The following SPATA17 variants were observed in gnomAD, a reference collection of about 807,000 sequenced individuals.
The protein encoded by SPATA17 is spermatogenesis associated 17.
Under a neutral mutation model 62.2 loss-of-function variants are expected in SPATA17, and 53 were observed. The ratio of observed to expected loss-of-function variants is 0.85; its 90% CI spans 0.68 to 1.07. The LOEUF (loss-of-function observed/expected upper bound fraction) is 1.07. Ranked by LOEUF, SPATA17 falls within the 50% of genes least tolerant of loss-of-function variation. The pLI is 0.00. For missense variants in SPATA17, 466 were observed against 425.5 expected (o/e 1.10, Z -0.84); for synonymous variants, 146 against 146.8 (o/e 0.99, Z 0.04).
At chr1:217,815,224 A>G (rs1674683454) in intron 9 of SPATA17, among the ~76,000 whole-genome samples, 1 of 152,312 alleles carries the variant, frequency 6.6e-6, no homozygotes, top group East Asian at 1.9e-4. Flanking sequence ...GACTGGAAAT[A>G]TGAATAGGAA....
chr1:217,848,340 C>T (rs1675573182), intron 9 of SPATA17, among the ~76,000 whole-genome samples: 1 of 152,128 alleles, frequency 6.6e-6, no homozygotes, highest in South Asian at 2.1e-4. Flanking sequence ...TAGCCATTGA[C>T]CTTCAACTAT....
intron 5 of SPATA17, among the ~76,000 whole-genome samples, chr1:217,732,586 G>A (rs1336016628): frequency 2.0e-5 from 3 of 152,170 alleles, no homozygotes; most frequent in Admixed American, 2.0e-4. Context: ...GAATCACTGT[G>A]AAGATGGGCA....
chr1:217,829,420 G>A (rs1001876012), intron 9 of SPATA17, among the ~76,000 whole-genome samples: 1 of 151,616 alleles, frequency 6.6e-6, no homozygotes, highest in African/African-American at 2.4e-5. Flanking sequence ...CTGAGGTCAG[G>A]AGTTCAAGAC....
intron 5 of SPATA17, among the ~76,000 whole-genome samples, chr1:217,715,735 A>C (rs1671987774): frequency 6.6e-6 from 1 of 150,594 alleles, no homozygotes; most frequent in Admixed American, 6.6e-5. Context: ...TAGTTGTACT[A>C]TGAGAAATTC....
intron 9 of SPATA17, among the ~76,000 whole-genome samples, chr1:217,807,745 T>A (rs1185715411): frequency 1.3e-5 from 2 of 152,148 alleles, no homozygotes; most frequent in Non-Finnish European, 2.9e-5. Context: ...TTTATCTGAT[T>A]TCAAAATATT....
chr1:217,722,214 C>T (rs1161849894), intron 5 of SPATA17, among the ~76,000 whole-genome samples: 12 of 152,082 alleles, frequency 7.9e-5, no homozygotes, highest in Non-Finnish European at 1.0e-4. Context: ...ATGCTTTCTA[C>T]CAGAATTTTC....
At chr1:217,691,099 C>A (rs1671343823) in intron 5 of SPATA17, among the ~76,000 whole-genome samples, 2 of 145,252 alleles carry the variant, frequency 1.4e-5, no homozygotes, top group South Asian at 4.4e-4. Flanking sequence ...AGTTTACAGT[C>A]CCACCAACAG....
At chr1:217,728,770 A>G (rs1400468561) in intron 5 of SPATA17, among the ~76,000 whole-genome samples, 1 of 152,128 alleles carries the variant, frequency 6.6e-6, no homozygotes, top group Admixed American at 6.6e-5. Flanking sequence ...ATTTATTTTT[A>G]TTATTCAAAC....
At chr1:217,852,857 C>T (rs1675696495) in intron 9 of SPATA17, among the ~76,000 whole-genome samples, 1 of 152,080 alleles carries the variant, frequency 6.6e-6, no homozygotes, top group Admixed American at 6.6e-5. Flanking sequence ...CTCAGAGTAG[C>T]CTTTCCTGAC....
At chr1:217,791,281 C>A (rs564813529) in intron 8 of SPATA17, among the ~76,000 whole-genome samples, 50 of 152,304 alleles carry the variant, frequency 3.3e-4, no homozygotes, top group African/African-American at 1.2e-3. Flanking sequence ...TCTTTTGATC[C>A]AGTATTCCTC....
At chr1:217,685,110 G>A (rs996594121) in intron 5 of SPATA17, among the ~76,000 whole-genome samples, 16 of 151,936 alleles carry the variant, frequency 1.1e-4, no homozygotes, top group African/African-American at 3.6e-4. Flanking sequence ...GAGTTTGCAA[G>A]GAGAAGAAAT....
At chr1:217,684,110 A>T (rs1269741949) in intron 5 of SPATA17, among the ~76,000 whole-genome samples, 1 of 152,172 alleles carries the variant, frequency 6.6e-6, no homozygotes. Context: ...GTCAGTTTTG[A>T]TTTGTTTAAA....
chr1:217,671,183 A>G (rs1365929127), intron 4 of SPATA17, among the ~76,000 whole-genome samples: 1 of 152,022 alleles, frequency 6.6e-6, no homozygotes, highest in Non-Finnish European at 1.5e-5. Context: ...GCTTGTTCCT[A>G]CTGACTAATT....
chr1:217,807,938 A>C (rs1197427596), intron 9 of SPATA17, among the ~76,000 whole-genome samples: 1 of 152,196 alleles, frequency 6.6e-6, no homozygotes, highest in Non-Finnish European at 1.5e-5. Context: ...GATTAACAAG[A>C]GAAAAACCCA....
At chr1:217,765,849 T>C (rs552958281) in intron 6 of SPATA17, among the ~76,000 whole-genome samples, 7 of 152,222 alleles carry the variant, frequency 4.6e-5, no homozygotes, top group African/African-American at 1.7e-4. Context: ...TTGCTAGGCA[T>C]ATACACTTTA....
At chr1:217,811,557 G>T (rs531181462) in intron 9 of SPATA17, among the ~76,000 whole-genome samples, 19 of 151,968 alleles carry the variant, frequency 1.3e-4, no homozygotes, top group Admixed American at 2.6e-4. Context: ...GCTGGGCATG[G>T]TGGTGCACAC....
At chr1:217,726,787 C>A (rs1460560067) in intron 5 of SPATA17, among the ~76,000 whole-genome samples, 1 of 151,800 alleles carries the variant, frequency 6.6e-6, no homozygotes, top group Non-Finnish European at 1.5e-5. Context: ...ATTGTCTTTC[C>A]TAGAAATCCA....
intron 5 of SPATA17, among the ~76,000 whole-genome samples, chr1:217,729,967 C>T (rs541648757): frequency 1.3e-5 from 2 of 152,124 alleles, no homozygotes; most frequent in South Asian, 4.2e-4. Context: ...TAACTCTTTC[C>T]ACAATGAATT....
chr1:217,705,469 T>A (rs1456495857), intron 5 of SPATA17, among the ~76,000 whole-genome samples: 3 of 114,074 alleles, frequency 2.6e-5, no homozygotes, highest in African/African-American at 9.8e-5. Flanking sequence ...GGAGATGGAG[T>A]CTCGCTCCAT....
Sources: gnomAD v4.1 joint callset for allele counts (sites outside exome capture counted in the v4.1 genomes callset) on GRCh38, gnomAD v4.1.1 for gene constraint, MANE v1.5 for transcripts, NCBI Gene and HGNC (gene_info 2026-07-23, HGNC 2026-07-21) for gene names.